Variants in ATAD3C observed in about 807,000 individuals in gnomAD.
ATAD3C encodes ATPase family AAA domain-containing protein 3C.
In ATAD3C, 38 loss-of-function variants were observed where a neutral mutation model predicts 46.3. That is an observed-to-expected ratio of 0.82 (90% CI 0.63 to 1.08). The LOEUF is 1.08. Ranked by LOEUF, ATAD3C falls within the 50% of genes least tolerant of loss-of-function variation. The probability of loss-of-function intolerance (pLI) is 0.00; values close to 1 mark genes in which losing one functional copy is unlikely to be tolerated. For missense variants in ATAD3C, 563 were observed against 572.7 expected, an observed-to-expected ratio of 0.98 and a Z score of 0.17; for synonymous variants, 220 against 236.4, an observed-to-expected ratio of 0.93 and a Z score of 0.63.
At chr1:1,454,990 T>C (rs1638929133) in intron 4 of ATAD3C, among the ~76,000 whole-genome samples, 1 of 149,362 alleles carries the variant, frequency 6.7e-6, no homozygotes, top group African/African-American at 2.5e-5. Flanking sequence ...CCAAGACAGG[T>C]GGATCATGAG....
chr1:1,453,632 T>A (rs887650107), intron 3 of ATAD3C, among the ~76,000 whole-genome samples: 12 of 139,324 alleles, frequency 8.6e-5, no homozygotes, highest in Non-Finnish European at 1.4e-4. Context: ...CCACCAGGCC[T>A]GGCATAAACC....
rs148149765 is a variant in ATAD3C at position 1,458,485 on chromosome 1, G to A, written c.742-676G>A. On this transcript the variant is annotated intron_variant, in intron 8 of 11. Transcript: ENST00000378785. ...ACTAGAGACTGGGTTTCTCCATGCCGGTCAGGCTAGTCCCGAACTCCCGAC... is the reference window on the plus strand; with the variant it reads ...ACTAGAGACTGGGTTTCTCCATGCCAGTCAGGCTAGTCCCGAACTCCCGAC... Among the ~76,000 whole-genome samples, 997 of 151,628 alleles carry A rather than the reference G, an allele frequency of 6.6e-3. 18 individuals are homozygous for A. Among genetic ancestry groups the A allele is most frequent in the Non-Finnish European group, 9.8e-3 (662 of 67,868 alleles).
rs918445581 is a variant in ATAD3C at position 1,462,233 on chromosome 1, C to G, written c.981-367C>G. On this transcript the variant is annotated intron_variant, in intron 10 of 11. Coordinates refer to ENST00000378785, the MANE Select transcript of ATAD3C (RefSeq NM_001039211.3). This position sits in a 1 kb window ranked among gnomAD's most constrained non-coding sequence, Gnocchi z 4.5. ...CTCCCCTTCCCTGGGCTCCCCGACA[C>G]CCATGGCTGCTCGTAGCTCTGGCAC... Among the ~76,000 whole-genome samples the G allele has an allele frequency of 6.6e-6, 1 of 152,064 alleles. No homozygotes were observed. Among genetic ancestry groups the G allele is most frequent in the African/African-American group, 2.4e-5 (1 of 41,432 alleles).
chr1:1,462,396 C>T lies in ATAD3C; in HGVS notation c.981-204C>T, dbSNP rs1200681547. ...GTGTTAGGAAGGGGTGCGGCCATCTCCAGGCCCCACAGCCGCCCCCTTCCT... is the reference window on the plus strand; with the variant it reads ...GTGTTAGGAAGGGGTGCGGCCATCTTCAGGCCCCACAGCCGCCCCCTTCCT... On this transcript the variant is annotated intron_variant, in intron 10 of 11. Coordinates refer to ENST00000378785, the MANE Select transcript of ATAD3C (RefSeq NM_001039211.3). This position sits in a 1 kb window ranked among gnomAD's most constrained non-coding sequence, Gnocchi z 4.5. 1.9e-6 allele frequency: 1 copy of T among 534,452 alleles called. No individual in the cohort carries two copies. The highest frequency in any genetic ancestry group is 1.9e-5 in the African/African-American group (1 of 51,592). 33.1% of individuals were successfully genotyped at this position (534,452 alleles called of 1,614,324 possible). A position where few individuals can be genotyped will look rare whatever the true frequency, so the allele number is the denominator to read the frequency against.
intron 3 of ATAD3C, among the ~76,000 whole-genome samples, chr1:1,453,001 TCC>T (rs974619722): frequency 6.6e-6 from 1 of 151,698 alleles, no homozygotes; most frequent in Non-Finnish European, 1.5e-5. Flanking sequence ...GTGTCCTCCG[TCC>T]CCCCACCCCG....
In ATAD3C at chr1:1,469,829, C is replaced by T. The variant is rs1048831902; in HGVS notation, c.*1299C>T. 4 of 152,034 alleles carry T rather than the reference C, an allele frequency of 2.6e-5. No individual in the cohort carries two copies. Among genetic ancestry groups the T allele is most frequent in the African/African-American group, 7.3e-5 (3 of 41,310 alleles). 9.4% of individuals were successfully genotyped at this position (152,034 alleles called of 1,614,324 possible). A position where few individuals can be genotyped will look rare whatever the true frequency, so the allele number is the denominator to read the frequency against. Reference sequence around the variant, plus strand: ...CTCCTGTGACCTGCACTTATACATCCAGATGGCCTGAAGCAACTGAAGATC... The same window carrying T: ...CTCCTGTGACCTGCACTTATACATCTAGATGGCCTGAAGCAACTGAAGATC... On this transcript the variant is annotated 3_prime_UTR_variant, in exon 12 of 12. Coordinates refer to ENST00000378785, the MANE Select transcript of ATAD3C (RefSeq NM_001039211.3).
chr1:1,460,058 C>G (rs1314571112), intron 9 of ATAD3C, among the ~76,000 whole-genome samples: 1 of 150,048 alleles, frequency 6.7e-6, no homozygotes, highest in Admixed American at 6.7e-5. Flanking sequence ...GCTCCTGGCT[C>G]GCGTGGCAGT....
In ATAD3C at chr1:1,449,734, C is replaced by T. The variant is rs985316901; in HGVS notation, c.-950C>T. On this transcript the variant is annotated 5_prime_UTR_variant, in exon 1 of 12. Transcript: ENST00000378785. The stretch of plus-strand genomic sequence containing the variant: ...GGTCCTGCATATTTTCTCAATGGGC[C>T]ACCGCGCCCGGCCAGAAGATTTTTA... 3.3e-5 allele frequency: 5 copies of T among 151,870 alleles called. No homozygotes were observed. The highest frequency in any genetic ancestry group is 1.2e-4 in the African/African-American group (5 of 41,384). The allele number at this position is 151,870 out of a possible 1,614,324, so 9.4% of individuals were successfully genotyped here.
rs1044347220 is a variant in ATAD3C, at chr1:1,460,887, A to G, written c.950A>G (p.Tyr317Cys). 5.0e-6 allele frequency: 8 copies of G among 1,611,774 alleles called. 1 individual carries two copies. Among genetic ancestry groups the G allele is most frequent in the Admixed American group, 3.3e-5 (2 of 59,840 alleles). Reference protein sequence around the residue: ...ARLVRMYLNEYVLKPATEGKR... With the variant: ...ARLVRMYLNECVLKPATEGKR... ...CTGGTGAGAATGTATCTTAACGAGT[A>G]TGTTCTTAAGCCGGCCACAGAAGGA... The change falls in exon 10 of 12, where the codon TAT becomes TGT. Residue 317 changes from tyrosine (Y) to cysteine (C), a missense_variant. Transcript: ENST00000378785.
In ATAD3C at chr1:1,457,115, C is replaced by T. The variant is rs111576836; in HGVS notation, c.690-14C>T. ...CATCACTCTCACCCAGCTTGGCCTC[C>T]CTCTCGTCCACAGCCTCCTGCTCTT... On this transcript the variant is annotated splice_polypyrimidine_tract_variant and intron_variant, in intron 7 of 11. Transcript: ENST00000378785. 9.6e-5 allele frequency: 155 copies of T among 1,613,338 alleles called. 2 individuals carry two copies. The African/African-American group carries it at 1.5e-3, about 16-fold the overall frequency.
At position 1,457,123 on chromosome 1, in the gene ATAD3C, C is replaced by T. The variant is rs184907850; in HGVS notation, c.690-6C>T. 1,380 of 1,613,292 alleles carry T rather than the reference C, an allele frequency of 8.6e-4. 13 individuals carry two copies. The highest frequency in any genetic ancestry group is 6.9e-3 in the African/African-American group (516 of 74,922). The stretch of plus-strand genomic sequence containing the variant: ...TCACCCAGCTTGGCCTCCCTCTCGT[C>T]CACAGCCTCCTGCTCTTTGTGGATG... On this transcript the variant is annotated splice_polypyrimidine_tract_variant and splice_region_variant and intron_variant, in intron 7 of 11. Transcript: ENST00000378785.
rs2767480 is a variant in ATAD3C, at chr1:1,467,433, G to A, written c.1090-951G>A. 1.4e-3 allele frequency among the ~76,000 whole-genome samples: 218 copies of A among 152,140 alleles called. 5 individuals carry two copies. The highest frequency in any genetic ancestry group is 4.9e-3 in the African/African-American group (204 of 41,528). On this transcript the variant is annotated intron_variant, in intron 11 of 11. Coordinates refer to ENST00000378785, the MANE Select transcript of ATAD3C (RefSeq NM_001039211.3). ...GGCCCCCGACCCACAGTGGTGGTCCGGCTCCGGTCAGTGTCTCCCCACACA... is the reference window on the plus strand; with the variant it reads ...GGCCCCCGACCCACAGTGGTGGTCCAGCTCCGGTCAGTGTCTCCCCACACA...
Position 1,462,952 on chromosome 1 carries a change from C to A in ATAD3C, c.1089+244C>A, listed in dbSNP as rs1047818971. ...ACGGTCACAGGTCAGGAAGCCAGTGCGGCCTCCTAGTAGCCCGGGCTCTGC... is the reference window on the plus strand; with the variant it reads ...ACGGTCACAGGTCAGGAAGCCAGTGAGGCCTCCTAGTAGCCCGGGCTCTGC... On this transcript the variant is annotated intron_variant, in intron 11 of 11. Coordinates refer to ENST00000378785, the MANE Select transcript of ATAD3C (RefSeq NM_001039211.3). This position sits in a 1 kb window ranked among gnomAD's most constrained non-coding sequence, Gnocchi z 4.5. 6.6e-6 allele frequency among the ~76,000 whole-genome samples: 1 copy of A among 152,118 alleles called. No homozygotes were observed. Among genetic ancestry groups the A allele is most frequent in the Admixed American group, 6.6e-5 (1 of 15,260 alleles).
At chr1:1,457,595 C>CAAAAAAAAAAAAAAAAA (rs777757826) in intron 8 of ATAD3C, among the ~76,000 whole-genome samples, 2 of 36,464 alleles carry the variant, frequency 5.5e-5, no homozygotes, top group African/African-American at 2.7e-4. Context: ...GACTTCATCT[C>CAAAAAAAAAAAAAAAAA]AAAAAAAAAA....
intron 8 of ATAD3C, among the ~76,000 whole-genome samples, chr1:1,457,589 T>C (rs1348172370): frequency 4.7e-5 from 5 of 106,954 alleles, no homozygotes; most frequent in Admixed American, 3.2e-4. Flanking sequence ...CAGCGAGACT[T>C]CATCTCAAAA....
At chr1:1,457,103 C>A (rs367970596) in intron 7 of ATAD3C, 26 bp from the exon 8 acceptor site, 5 of 1,612,934 alleles carry the variant, frequency 3.1e-6, no homozygotes, top group Non-Finnish European at 4.2e-6. Flanking sequence ...CACTCTCACC[C>A]AGCTTGGCCT....
chr1:1,457,557 C>G (rs1306684290), intron 8 of ATAD3C, among the ~76,000 whole-genome samples: 1 of 133,756 alleles, frequency 7.5e-6, no homozygotes, highest in African/African-American at 3.0e-5. Flanking sequence ...GATCGTGCTG[C>G]TGCACTCCAG....
At chr1:1,463,258 G>C (rs1639098781) in intron 11 of ATAD3C, among the ~76,000 whole-genome samples, 1 of 152,060 alleles carries the variant, frequency 6.6e-6, no homozygotes, top group Non-Finnish European at 1.5e-5. Context: ...AGGAGTGTGG[G>C]CACGGCCATC....
chr1:1,460,644 T>A (rs1318696350), intron 9 of ATAD3C, 106 bp from the exon 10 acceptor site: 2 of 1,418,534 alleles, frequency 1.4e-6, no homozygotes, highest in Non-Finnish European at 1.8e-6. Context: ...GCTGCCACTT[T>A]AGATTCTCCC....
Sources: gnomAD v4.1 joint callset for allele counts (sites outside exome capture counted in the v4.1 genomes callset) on GRCh38, gnomAD v4.1.1 for gene constraint, Gnocchi (gnomAD v3.1) non-coding constraint, MANE v1.5 for transcripts, NCBI Gene and HGNC (gene_info 2026-07-23, HGNC 2026-07-21) for gene names.